Variants in SPATA18 observed in about 807,000 individuals in gnomAD.
SPATA18 encodes mitochondria-eating protein.
SPATA18 carries 54 observed loss-of-function variants against 68.1 expected under a neutral mutation model. The ratio of observed to expected loss-of-function variants is 0.79; its 90% CI spans 0.64 to 0.99. SPATA18 has a LOEUF of 0.99. Ranked by LOEUF, SPATA18 falls within the 50% of genes least tolerant of loss-of-function variation. The probability of loss-of-function intolerance (pLI) is 0.00; values close to 1 mark genes in which losing one functional copy is unlikely to be tolerated. For missense variants in SPATA18, 724 were observed against 681.1 expected (o/e 1.06, Z -0.70); for synonymous variants, 242 against 244.8 (o/e 0.99, Z 0.11).
At chr4:52,061,195 A>T (rs1229716836) in intron 3 of SPATA18, among the ~76,000 whole-genome samples, 1 of 152,188 alleles carries the variant, frequency 6.6e-6, no homozygotes, top group Non-Finnish European at 1.5e-5. Context: ...CTAAAACAGA[A>T]GCATTTAGAA....
chr4:52,087,544 T>C (rs1371400915), intron 11 of SPATA18, among the ~76,000 whole-genome samples: 1 of 152,200 alleles, frequency 6.6e-6, no homozygotes, highest in Non-Finnish European at 1.5e-5. Flanking sequence ...CCCCTTTGCT[T>C]GTTTTTGTCA....
chr4:52,086,225 A>G (rs920688064), intron 11 of SPATA18, among the ~76,000 whole-genome samples: 1 of 152,134 alleles, frequency 6.6e-6, no homozygotes, highest in Non-Finnish European at 1.5e-5. Context: ...AACAAAACCA[A>G]AAACCCCTGC....
rs924902747 is a variant in SPATA18, at chr4:52,060,484, G to A, written c.153G>A (p.Gln51=). ...TCATTGAGCAAGTTGCCAAGGTGCA[G>A]GGACAACTCTTTGGGATCCTCACAG... ...LELIEQVAKV[Q]GQLFGILTAA... The change falls in exon 2 of 13, where the codon CAG becomes CAA. Residue 51 remains glutamine (Q), a synonymous_variant. Transcript: ENST00000295213. The A allele has an allele frequency of 3.3e-5, 54 of 1,613,916 alleles. 1 individual carries two copies. The Admixed American group carries it at 6.3e-4, about 19-fold the overall frequency.
intron 6 of SPATA18, 74 bp downstream of exon 6, chr4:52,072,230 A>G: frequency 6.4e-7 from 1 of 1,558,104 alleles, no homozygotes; most frequent in South Asian, 1.2e-5. Flanking sequence ...GGAGGAAATA[A>G]GTAAAATGAT....
intron 4 of SPATA18, among the ~76,000 whole-genome samples, chr4:52,067,873 C>T (rs1166423455): frequency 6.6e-6 from 1 of 152,150 alleles, no homozygotes; most frequent in Non-Finnish European, 1.5e-5. Flanking sequence ...TGTTGTATCC[C>T]CAGTACTGAG....
chr4:52,086,182 C>T (rs1741415887), intron 11 of SPATA18, among the ~76,000 whole-genome samples: 1 of 152,134 alleles, frequency 6.6e-6, no homozygotes, highest in African/African-American at 2.4e-5. Flanking sequence ...CAGCTGTAGC[C>T]CCAAAGTTGC....
At chr4:52,080,032 A>G (rs1740787037) in intron 9 of SPATA18, 113 bp downstream of exon 9, 2 of 1,186,022 alleles carry the variant, frequency 1.7e-6, no homozygotes, top group Non-Finnish European at 2.4e-6. Flanking sequence ...AACAGACACT[A>G]CCTGATTTTC....
chr4:52,051,638 C>T lies in SPATA18; in HGVS notation c.-67C>T. 1 of 1,469,170 alleles carries T rather than the reference C, an allele frequency of 6.8e-7. No individual in the cohort carries two copies. The highest frequency in any genetic ancestry group is 9.5e-7 in the Non-Finnish European group (1 of 1,048,316). The allele number at this position is 1,469,170 out of a possible 1,614,324, so 91.0% of individuals were successfully genotyped here. ...CCCGCCATATCACCCCACGGTCCTG[C>T]GGAGGCCACCGCCTGGTCCCCCCAA... is the stretch of plus-strand genomic sequence containing the variant. On this transcript the variant is annotated 5_prime_UTR_variant, in exon 1 of 13. Coordinates refer to ENST00000295213, the MANE Select transcript of SPATA18 (RefSeq NM_145263.4).
rs1741003553 is a variant in SPATA18 at position 52,082,376 on chromosome 4, A to G, written c.1356-11A>G. 6.2e-7 allele frequency: 1 copy of G among 1,612,428 alleles called. No homozygotes were observed. Among genetic ancestry groups the G allele is most frequent in the Non-Finnish European group, 8.5e-7 (1 of 1,179,028 alleles). On this transcript the variant is annotated splice_polypyrimidine_tract_variant and intron_variant, in intron 9 of 12. Coordinates refer to ENST00000295213, the MANE Select transcript of SPATA18 (RefSeq NM_145263.4). ...TTAACTTCTCTTTCTTTTTTTGTAT[A>G]TTGAAAACAGATACCGCCGCAGCTA... is the stretch of plus-strand genomic sequence containing the variant.
Position 52,076,832 on chromosome 4 carries a change from G to C in SPATA18, c.812G>C (p.Arg271Pro), listed in dbSNP as rs544592085. ...SPAPRSRSCS[R>P]SRSASPSTAV... ...GCCCCTCGCAGCCGTAGCTGCAGCC[G>C]CAGCAGATCTGCCAGCCCCTCCACC... Residue 271 changes from arginine (R) to proline (P), a missense_variant, in exon 7 of 13, where the codon CGC becomes CCC. By Grantham distance (103) the Arg-to-Pro change is moderately radical (BLOSUM62 -2). Transcript: ENST00000295213. The C allele has an allele frequency of 1.9e-6, 3 of 1,614,080 alleles. No homozygotes were observed. The highest frequency in any genetic ancestry group is 2.5e-6 in the Non-Finnish European group (3 of 1,179,976).
rs1742289585 is a variant in SPATA18, at chr4:52,094,760, C to A, written c.1610-120C>A. On this transcript the variant is annotated intron_variant, in intron 12 of 12. Coordinates refer to ENST00000295213, the MANE Select transcript of SPATA18 (RefSeq NM_145263.4). Reference sequence around the variant, plus strand: ...GGTCCCATGGGTCATGTAGAAGGAGCTTCCAACCAAGAGGCTTCATTGCCA... The same window carrying A: ...GGTCCCATGGGTCATGTAGAAGGAGATTCCAACCAAGAGGCTTCATTGCCA... 2.8e-6 allele frequency: 4 copies of A among 1,424,728 alleles called. No homozygotes were observed. The Admixed American group carries it at 5.1e-5, about 18-fold the overall frequency. The allele number at this position is 1,424,728 out of a possible 1,614,324, so 88.3% of individuals were successfully genotyped here. A position where few individuals can be genotyped will look rare whatever the true frequency, so the allele number is the denominator to read the frequency against.
At chr4:52,087,264 T>C (rs1349529203) in intron 11 of SPATA18, among the ~76,000 whole-genome samples, 2 of 152,198 alleles carry the variant, frequency 1.3e-5, no homozygotes, top group African/African-American at 4.8e-5. Flanking sequence ...AAAAGCTCTT[T>C]AGTTTATTAG....
At chr4:52,087,140 T>C (rs972684440) in intron 11 of SPATA18, among the ~76,000 whole-genome samples, 1 of 152,216 alleles carries the variant, frequency 6.6e-6, no homozygotes, top group Non-Finnish European at 1.5e-5. Flanking sequence ...TAAATTTGTT[T>C]AAGTTCTTTG....
Position 52,096,947 on chromosome 4 carries a change from A to G in SPATA18, c.*2060A>G, listed in dbSNP as rs1193871658. ...ATTTTTTTTTTCAGGAGCCAAGCACATATACTGATTTGGAAAAAGGCACAG... is the reference window on the plus strand; with the variant it reads ...ATTTTTTTTTTCAGGAGCCAAGCACGTATACTGATTTGGAAAAAGGCACAG... On this transcript the variant is annotated 3_prime_UTR_variant, in exon 13 of 13. Coordinates refer to ENST00000295213, the MANE Select transcript of SPATA18 (RefSeq NM_145263.4). 6.6e-6 allele frequency: 1 copy of G among 152,098 alleles called. No homozygotes were observed. Among genetic ancestry groups the G allele is most frequent in the Non-Finnish European group, 1.5e-5 (1 of 68,004 alleles). 9.4% of individuals were successfully genotyped at this position (152,098 alleles called of 1,614,324 possible). A position where few individuals can be genotyped will look rare whatever the true frequency, so the allele number is the denominator to read the frequency against.
Position 52,096,679 on chromosome 4 carries a change from G to A in SPATA18, c.*1792G>A, listed in dbSNP as rs897171066. 1.4e-4 allele frequency: 21 copies of A among 151,834 alleles called. No homozygotes were observed. Among genetic ancestry groups the A allele is most frequent in the African/African-American group, 4.8e-4 (20 of 41,298 alleles). The allele number at this position is 151,834 out of a possible 1,614,324, so 9.4% of individuals were successfully genotyped here. On this transcript the variant is annotated 3_prime_UTR_variant, in exon 13 of 13. Coordinates refer to ENST00000295213, the MANE Select transcript of SPATA18 (RefSeq NM_145263.4). ...ACCAGCTACAAATGAAAATCAATGTGTGTATTGGCAACAGAAAATCACGGT... is the reference window on the plus strand; with the variant it reads ...ACCAGCTACAAATGAAAATCAATGTATGTATTGGCAACAGAAAATCACGGT...
intron 3 of SPATA18, among the ~76,000 whole-genome samples, chr4:52,061,256 A>C (rs975372387): frequency 6.6e-6 from 1 of 151,956 alleles, no homozygotes; most frequent in Non-Finnish European, 1.5e-5. Context: ...CTCACTCATA[A>C]GTGGGAGCTG....
intron 1 of SPATA18, among the ~76,000 whole-genome samples, chr4:52,055,971 C>A (rs1179842453): frequency 6.6e-6 from 1 of 152,170 alleles, no homozygotes; most frequent in Non-Finnish European, 1.5e-5. Context: ...CATGAATAAA[C>A]CATGCCCTTC....
Position 52,062,197 on chromosome 4 carries a change from TTTTTTTTGGTGTATC to T in SPATA18, c.310-19_310-5del. ...AATGTATTCAGACTGTTTTTTTTTT[TTTTTTTTGGTGTATC>T]TTTCCAGGACACGTTTGATAGGGAG... is the stretch of plus-strand genomic sequence containing the variant. On this transcript the variant is annotated splice_polypyrimidine_tract_variant and splice_region_variant and intron_variant, in intron 3 of 12. Transcript: ENST00000295213. 7.4e-7 allele frequency: 1 copy of T among 1,343,304 alleles called. No homozygotes were observed. The highest frequency in any genetic ancestry group is 1.4e-5 in the South Asian group (1 of 70,170). 83.2% of individuals were successfully genotyped at this position (1,343,304 alleles called of 1,614,324 possible).
At chr4:52,076,324 T>C (rs569039891) in intron 6 of SPATA18, among the ~76,000 whole-genome samples, 1 of 152,228 alleles carries the variant, frequency 6.6e-6, no homozygotes, top group Admixed American at 6.5e-5. Context: ...TTTTATGTAA[T>C]TTTGAGTTTT....
Sources: gnomAD v4.1 joint callset for allele counts (sites outside exome capture counted in the v4.1 genomes callset) on GRCh38, gnomAD v4.1.1 for gene constraint, MANE v1.5 for transcripts, NCBI Gene and HGNC (gene_info 2026-07-23, HGNC 2026-07-21) for gene names.